Variants in TGFBR3 observed in about 807,000 individuals in gnomAD.
TGFBR3 encodes the protein transforming growth factor beta receptor 3.
Under a neutral mutation model 87.9 loss-of-function variants are expected in TGFBR3, and 46 were observed. The ratio of observed to expected loss-of-function variants is 0.52; its 90% CI spans 0.41 to 0.67. The LOEUF is 0.67. TGFBR3 is among the 30% of genes least tolerant of loss of function. The probability of loss-of-function intolerance (pLI) is 0.00; values close to 1 mark genes in which losing one functional copy is unlikely to be tolerated. For synonymous variants in TGFBR3, 381 were observed against 391.6 expected (o/e 0.97, Z 0.32); for missense variants, 866 against 1,041.9 (o/e 0.83, Z 2.32).
chr1:91,721,424 T>C (rs1672365119), intron 8 of TGFBR3, among the ~76,000 whole-genome samples: 1 of 152,180 alleles, frequency 6.6e-6, no homozygotes, highest in African/African-American at 2.4e-5. Flanking sequence ...TACCATGAGC[T>C]GAGGAACAGG....
chr1:91,722,854 A>T (rs895363044), intron 7 of TGFBR3, among the ~76,000 whole-genome samples: 1 of 152,214 alleles, frequency 6.6e-6, no homozygotes, highest in African/African-American at 2.4e-5. Context: ...TAAACATAGA[A>T]AAGGTACAGT....
chr1:91,905,315 C>T (rs1679822876), intron 1 of TGFBR3, among the ~76,000 whole-genome samples: 1 of 152,134 alleles, frequency 6.6e-6, no homozygotes, highest in South Asian at 2.1e-4. Flanking sequence ...CAGAAAAATG[C>T]TAGTTATTTG....
chr1:91,702,382 C>T (rs953893589), intron 14 of TGFBR3, among the ~76,000 whole-genome samples: 58 of 152,244 alleles, frequency 3.8e-4, no homozygotes, highest in African/African-American at 1.3e-3. Context: ...CGCGGTGGCT[C>T]ACACCTGTAA....
At chr1:91,711,839 T>C (rs996768024) in intron 13 of TGFBR3, among the ~76,000 whole-genome samples, 6 of 152,186 alleles carry the variant, frequency 3.9e-5, no homozygotes, top group Non-Finnish European at 7.3e-5. Flanking sequence ...ACCTTATATT[T>C]CACACAGAAA....
intron 2 of TGFBR3, among the ~76,000 whole-genome samples, chr1:91,804,417 G>A (rs774847686): frequency 2.6e-5 from 4 of 152,120 alleles, no homozygotes; most frequent in Non-Finnish European, 5.9e-5. Context: ...CCACTTCTGG[G>A]TCAGGCCCTA....
At chr1:91,796,036 C>A (rs527514107) in intron 3 of TGFBR3, among the ~76,000 whole-genome samples, 1 of 152,314 alleles carries the variant, frequency 6.6e-6, no homozygotes, top group African/African-American at 2.4e-5. Context: ...AATTAACTTT[C>A]TTGACCAGAA....
chr1:91,725,449 A>G (rs1672517417), intron 7 of TGFBR3, among the ~76,000 whole-genome samples: 3 of 152,188 alleles, frequency 2.0e-5, no homozygotes, highest in African/African-American at 7.2e-5. Flanking sequence ...GGCATATATT[A>G]TCTTATTTCT....
At position 91,885,878 on chromosome 1, in the gene TGFBR3, C is replaced by T. The variant is rs1450869881; in HGVS notation, c.-114G>A. 4 of 379,594 alleles carry T rather than the reference C, an allele frequency of 1.1e-5. No homozygotes were observed. Among genetic ancestry groups the T allele is most frequent in the South Asian group, 3.8e-5 (2 of 52,348 alleles). 23.5% of individuals were successfully genotyped at this position (379,594 alleles called of 1,614,324 possible). On this transcript the variant is annotated splice_region_variant and 5_prime_UTR_variant, in exon 1 of 17. Coordinates refer to ENST00000212355, the MANE Select transcript of TGFBR3 (RefSeq NM_003243.5). ...GCCGCGGGGCTGGGCCGGCACGTAC[C>T]TCGGAGGCGGTGTGTCCAGCGGAGA...
chr1:91,875,329 T>C (rs1678740809), intron 1 of TGFBR3, among the ~76,000 whole-genome samples: 2 of 151,956 alleles, frequency 1.3e-5, no homozygotes, highest in African/African-American at 4.8e-5. Flanking sequence ...AAGGTGACAC[T>C]GTGGAGGCTG....
At chr1:91,828,331 A>G (rs1168652628) in intron 2 of TGFBR3, among the ~76,000 whole-genome samples, 2 of 152,242 alleles carry the variant, frequency 1.3e-5, no homozygotes, top group Non-Finnish European at 2.9e-5. Flanking sequence ...TAACTAGTCA[A>G]AGGAAAAAGA....
chr1:91,797,147 T>C (rs1227861050), intron 3 of TGFBR3, 140 bp downstream of exon 3: 16 of 968,146 alleles, frequency 1.7e-5, no homozygotes, highest in Non-Finnish European at 2.5e-5. Flanking sequence ...AGACAGCAGC[T>C]GGTATTTTAA....
intron 13 of TGFBR3, 52 bp from the exon 14 acceptor site, chr1:91,708,835 TC>T: frequency 3.1e-6 from 5 of 1,606,222 alleles, no homozygotes; most frequent in Non-Finnish European, 4.2e-6. Context: ...AAAAGTGCCT[TC>T]ACCAGCTCTA....
At chr1:91,830,722 G>A (rs1019073397) in intron 2 of TGFBR3, among the ~76,000 whole-genome samples, 6 of 152,234 alleles carry the variant, frequency 3.9e-5, no homozygotes, top group African/African-American at 1.4e-4. Flanking sequence ...CTGGGGCACA[G>A]GAAGAATGAA....
At chr1:91,794,205 C>CTTTTTTTT (rs35802375) in intron 3 of TGFBR3, among the ~76,000 whole-genome samples, 1 of 148,100 alleles carries the variant, frequency 6.8e-6, no homozygotes, top group Non-Finnish European at 1.5e-5. Flanking sequence ...TCTCCTCCAC[C>CTTTTTTTT]TTTTTTTTTT....
chr1:91,892,165 C>T (rs1178859149), intron 2 of TGFBR3, among the ~76,000 whole-genome samples: 3 of 152,178 alleles, frequency 2.0e-5, no homozygotes, highest in Non-Finnish European at 4.4e-5. Flanking sequence ...TTCAATTTCC[C>T]CCTCAGCAGG....
chr1:91,825,618 T>A (rs1676605140), intron 2 of TGFBR3, among the ~76,000 whole-genome samples: 1 of 152,196 alleles, frequency 6.6e-6, no homozygotes, highest in African/African-American at 2.4e-5. Flanking sequence ...TTTAAAGAGG[T>A]GAATTGTATG....
At chr1:91,769,929 G>C (rs922485001) in intron 3 of TGFBR3, among the ~76,000 whole-genome samples, 1 of 152,214 alleles carries the variant, frequency 6.6e-6, no homozygotes, top group African/African-American at 2.4e-5. Context: ...AAAGGCTGGG[G>C]CACAGAAGTT....
At chr1:91,698,545 T>C (rs1233918567) in intron 14 of TGFBR3, among the ~76,000 whole-genome samples, 1 of 151,386 alleles carries the variant, frequency 6.6e-6, no homozygotes, top group Non-Finnish European at 1.5e-5. Flanking sequence ...GGGTCTCACT[T>C]TGTTGCTCAG....
chr1:91,794,170 T>C (rs553479409), intron 3 of TGFBR3, among the ~76,000 whole-genome samples: 3 of 150,638 alleles, frequency 2.0e-5, no homozygotes, highest in Non-Finnish European at 4.4e-5. Flanking sequence ...TGTGCAACCA[T>C]TAAAATTTTA....
Sources: gnomAD v4.1 joint callset for allele counts (sites outside exome capture counted in the v4.1 genomes callset) on GRCh38, gnomAD v4.1.1 for gene constraint, MANE v1.5 for transcripts, NCBI Gene and HGNC (gene_info 2026-07-23, HGNC 2026-07-21) for gene names.